Variants in CALN1 observed in about 807,000 individuals in gnomAD.
The protein encoded by CALN1 is calneuron 1.
Under a neutral mutation model 30.6 loss-of-function variants are expected in CALN1, and 17 were observed. The ratio of observed to expected loss-of-function variants is 0.56; its 90% CI spans 0.38 to 0.83. The LOEUF is 0.83. CALN1 is among the 40% of genes least tolerant of loss of function. The probability of loss-of-function intolerance (pLI) is 0.00; values close to 1 mark genes in which losing one functional copy is unlikely to be tolerated. For synonymous variants in CALN1, 156 were observed against 131.4 expected, an observed-to-expected ratio of 1.19 and a Z score of -1.28; for missense variants, 291 against 354.9, an observed-to-expected ratio of 0.82 and a Z score of 1.45.
At chr7:72,149,463 T>A (rs1488947114) in intron 3 of CALN1, among the ~76,000 whole-genome samples, 1 of 151,920 alleles carries the variant, frequency 6.6e-6, no homozygotes, top group Non-Finnish European at 1.5e-5. Flanking sequence ...TGAGACTGTG[T>A]CTCCAAAATA....
chr7:72,141,283 T>C (rs1809916434), intron 3 of CALN1, among the ~76,000 whole-genome samples: 1 of 151,488 alleles, frequency 6.6e-6, no homozygotes, highest in African/African-American at 2.4e-5. Flanking sequence ...CAGGGCATGA[T>C]CCTGTCTTAA....
At chr7:72,161,270 T>C (rs10267684) in intron 3 of CALN1, among the ~76,000 whole-genome samples, 116,842 of 152,140 alleles carry the variant, frequency 0.77, 45,403 homozygotes, top group East Asian at 0.96. Context: ...TTCCCTGACA[T>C]GGTGATTAAT....
chr7:72,345,696 T>G (rs960376080), intron 2 of CALN1, among the ~76,000 whole-genome samples: 5 of 152,110 alleles, frequency 3.3e-5, no homozygotes, highest in African/African-American at 1.2e-4. Flanking sequence ...CCCCAGGGTT[T>G]CAGTTGAACC....
Position 72,344,711 on chromosome 7 carries a change from GCTT to G in CALN1, c.119+58537_119+58539del, listed in dbSNP as rs1273323399. 6.8e-4 allele frequency among the ~76,000 whole-genome samples: 97 copies of G among 141,922 alleles called. 1 individual carries two copies. The highest frequency in any genetic ancestry group is 4.3e-4 in the Non-Finnish European group (28 of 65,236). 93.1% of individuals were successfully genotyped at this position (141,922 alleles called of 152,430 possible). ...ATTATTTACATTTTTATTTATATATGCTTATTATATAAATGGCTTTTTATAAAT... is the reference window on the plus strand; with the variant it reads ...ATTATTTACATTTTTATTTATATATGATTATATAAATGGCTTTTTATAAAT... On this transcript the variant is annotated intron_variant, in intron 2 of 6. Coordinates refer to ENST00000395275, the MANE Select transcript of CALN1 (RefSeq NM_031468.4).
At chr7:72,222,772 G>A (rs924515565) in intron 3 of CALN1, among the ~76,000 whole-genome samples, 8 of 152,164 alleles carry the variant, frequency 5.3e-5, no homozygotes, top group African/African-American at 1.9e-4. Flanking sequence ...TGTAATCCCA[G>A]TGCTTTAGGA....
At chr7:72,288,728 A>G (rs1030233496) in intron 2 of CALN1, among the ~76,000 whole-genome samples, 2 of 152,176 alleles carry the variant, frequency 1.3e-5, no homozygotes, top group Non-Finnish European at 2.9e-5. Flanking sequence ...TTCTTCTGCT[A>G]CAAGTATGCT....
chr7:72,346,570 C>T (rs1802651840), intron 2 of CALN1, among the ~76,000 whole-genome samples: 1 of 152,062 alleles, frequency 6.6e-6, no homozygotes, highest in Admixed American at 6.6e-5. Flanking sequence ...GGCTGGAGTC[C>T]AGTGGCACGA....
At chr7:71,807,570 G>A (rs1787693668) in intron 6 of CALN1, among the ~76,000 whole-genome samples, 1 of 152,170 alleles carries the variant, frequency 6.6e-6, no homozygotes, top group African/African-American at 2.4e-5. Context: ...CCGTCCCAGA[G>A]GTCATACAAG....
chr7:72,116,679 T>TA (rs1808007227), intron 3 of CALN1, among the ~76,000 whole-genome samples: 2 of 152,162 alleles, frequency 1.3e-5, no homozygotes, highest in Admixed American at 1.3e-4. Flanking sequence ...ATCTGTGCTG[T>TA]TAAGATGAGA....
At chr7:71,949,202 G>C (rs1296580847) in intron 5 of CALN1, among the ~76,000 whole-genome samples, 1 of 152,090 alleles carries the variant, frequency 6.6e-6, no homozygotes, top group Non-Finnish European at 1.5e-5. Context: ...AGGAGAATAG[G>C]GTTTGGAGAC....
At position 71,971,930 on chromosome 7, in the gene CALN1, C is replaced by CA. The variant is rs764756514; in HGVS notation, c.501+51726dup. 3.7e-3 allele frequency among the ~76,000 whole-genome samples: 143 copies of CA among 38,534 alleles called. 4 individuals are homozygous for CA. Among genetic ancestry groups the CA allele is most frequent in the African/African-American group, 6.4e-3 (73 of 11,420 alleles). 25.3% of individuals were successfully genotyped at this position (38,534 alleles called of 152,430 possible). A position where few individuals can be genotyped will look rare whatever the true frequency, so the allele number is the denominator to read the frequency against. ...TGAGCAACAGAGTGGGACCCTGTCTCAAAAAAAAAAAAAAAAAAAAAAAAA... is the reference window on the plus strand; with the variant it reads ...TGAGCAACAGAGTGGGACCCTGTCTCAAAAAAAAAAAAAAAAAAAAAAAAAA... On this transcript the variant is annotated intron_variant, in intron 5 of 6. Coordinates refer to ENST00000395275, the MANE Select transcript of CALN1 (RefSeq NM_031468.4).
intron 2 of CALN1, among the ~76,000 whole-genome samples, chr7:72,391,826 T>C (rs1002995398): frequency 2.0e-5 from 3 of 152,096 alleles, no homozygotes; most frequent in African/African-American, 7.2e-5. Context: ...CCATGAACCC[T>C]CTTTTGCTGT....
chr7:72,435,839 C>T (rs748300346), intron 1 of CALN1, among the ~76,000 whole-genome samples: 1 of 152,166 alleles, frequency 6.6e-6, no homozygotes, highest in Non-Finnish European at 1.5e-5. Flanking sequence ...ACTAATTCAG[C>T]GTGTAATAAC....
chr7:71,908,270 C>T (rs1216290676), intron 5 of CALN1, among the ~76,000 whole-genome samples: 3 of 152,144 alleles, frequency 2.0e-5, no homozygotes, highest in Admixed American at 6.5e-5. Flanking sequence ...TATTGCAAAA[C>T]TTGAATTTTC....
At chr7:72,408,271 A>G (rs1237471552) in intron 1 of CALN1, among the ~76,000 whole-genome samples, 1 of 27,992 alleles carries the variant, frequency 3.6e-5, no homozygotes, top group Admixed American at 2.8e-4. Flanking sequence ...CATCTCTATT[A>G]AAAAAAAAAA....
At position 71,935,950 on chromosome 7, in the gene CALN1, A is replaced by G. The variant is rs372383093; in HGVS notation, c.501+87707T>C. Among the ~76,000 whole-genome samples the G allele has an allele frequency of 5.3e-5, 8 of 152,296 alleles. No individual in the cohort carries two copies. In the East Asian group the frequency reaches 1.4e-3, roughly 26 times the overall value. ...TTCTGTAACCTCATTTTGGCAGTGC[A>G]GGCAAGGAGGGAGTGTTGACCTGTC... On this transcript the variant is annotated intron_variant, in intron 5 of 6. Coordinates refer to ENST00000395275, the MANE Select transcript of CALN1 (RefSeq NM_031468.4).
chr7:71,806,431 C>G (rs1256942452), intron 6 of CALN1, among the ~76,000 whole-genome samples: 1 of 151,924 alleles, frequency 6.6e-6, no homozygotes, highest in Non-Finnish European at 1.5e-5. Context: ...CTCAGCCTCC[C>G]GAGTAGCTGG....
At chr7:72,094,628 C>T (rs565994195) in intron 4 of CALN1, among the ~76,000 whole-genome samples, 52 of 152,184 alleles carry the variant, frequency 3.4e-4, no homozygotes, top group African/African-American at 1.2e-3. Flanking sequence ...TTGGCTGAAA[C>T]TTGAATTCAA....
At chr7:71,829,983 GTCTC>G (rs1198391285) in intron 5 of CALN1, among the ~76,000 whole-genome samples, 2 of 151,176 alleles carry the variant, frequency 1.3e-5, no homozygotes, top group Non-Finnish European at 1.5e-5. Flanking sequence ...CTGTCTGTCT[GTCTC>G]TCTCTCCATC....
Sources: allele counts gnomAD v4.1 joint callset (sites outside exome capture counted in the v4.1 genomes callset), GRCh38; gene constraint gnomAD v4.1.1; transcripts MANE v1.5; gene names NCBI Gene and HGNC (gene_info 2026-07-23, HGNC 2026-07-21).